The following CCDC178 variants were observed in gnomAD, a reference collection of about 807,000 sequenced individuals.
CCDC178 encodes coiled-coil domain containing 178.
Under a neutral mutation model 117.4 loss-of-function variants are expected in CCDC178, and 126 were observed. The observed-to-expected ratio is 1.07, with a 90% confidence interval of 0.93 to 1.24. CCDC178 has a LOEUF of 1.24. CCDC178 is among the 50% of genes most tolerant of loss of function. CCDC178 has a pLI of 0.00. For synonymous variants in CCDC178, 283 were observed against 313.4 expected, an observed-to-expected ratio of 0.90 and a Z score of 1.02; for missense variants, 1,030 against 986.9, an observed-to-expected ratio of 1.04 and a Z score of -0.59.
chr18:33,247,527 G>A (rs921645553), intron 14 of CCDC178, among the ~76,000 whole-genome samples: 2 of 151,812 alleles, frequency 1.3e-5, no homozygotes, highest in Admixed American at 1.3e-4. Context: ...TTAATAGGAA[G>A]GAATGAAGTA....
intron 22 of CCDC178, among the ~76,000 whole-genome samples, chr18:32,963,747 T>C (rs2054753756): frequency 6.6e-6 from 1 of 152,044 alleles, no homozygotes; most frequent in South Asian, 2.1e-4. Context: ...CTCATTTGTA[T>C]TTACACAATA....
At chr18:33,247,093 T>A (rs201023582) in intron 14 of CCDC178, among the ~76,000 whole-genome samples, 42 of 148,206 alleles carry the variant, frequency 2.8e-4, no homozygotes, top group African/African-American at 5.0e-4. Flanking sequence ...TGTGTGTGTG[T>A]GAGAGAGAGA....
At chr18:33,199,323 C>T (rs1463278734) in intron 20 of CCDC178, among the ~76,000 whole-genome samples, 1 of 152,156 alleles carries the variant, frequency 6.6e-6, no homozygotes. Context: ...CCTTCTCTCA[C>T]CTATTGCCCT....
intron 20 of CCDC178, among the ~76,000 whole-genome samples, chr18:33,159,180 T>C (rs2058435658): frequency 6.6e-6 from 1 of 152,076 alleles, no homozygotes; most frequent in African/African-American, 2.4e-5. Context: ...ACGGCAAAAG[T>C]GTAAAAACTG....
chr18:33,268,141 C>A (rs1339512122), intron 12 of CCDC178, among the ~76,000 whole-genome samples: 1 of 151,616 alleles, frequency 6.6e-6, no homozygotes, highest in African/African-American at 2.4e-5. Flanking sequence ...TTTTGAACTG[C>A]ATTAAATGAA....
chr18:33,312,597 G>T (rs2062357973), intron 11 of CCDC178, among the ~76,000 whole-genome samples: 1 of 152,156 alleles, frequency 6.6e-6, no homozygotes, highest in Admixed American at 6.5e-5. Context: ...ACTTTTCCAA[G>T]CAGCTGGACT....
intron 20 of CCDC178, among the ~76,000 whole-genome samples, chr18:33,172,118 C>A (rs2058608381): frequency 6.6e-6 from 1 of 152,164 alleles, no homozygotes; most frequent in African/African-American, 2.4e-5. Flanking sequence ...CCATGTTGAT[C>A]AGGCTGGTCT....
At chr18:33,176,834 GA>G (rs1455123339) in intron 20 of CCDC178, among the ~76,000 whole-genome samples, 1 of 152,056 alleles carries the variant, frequency 6.6e-6, no homozygotes, top group African/African-American at 2.4e-5. Context: ...TGACATAGGA[GA>G]AAATGACCTG....
At chr18:33,034,941 GT>G (rs1253805180) in intron 21 of CCDC178, among the ~76,000 whole-genome samples, 1 of 151,800 alleles carries the variant, frequency 6.6e-6, no homozygotes, top group Admixed American at 6.6e-5. Flanking sequence ...TTTGTTTTAT[GT>G]ACATTAATAT....
intron 20 of CCDC178, among the ~76,000 whole-genome samples, chr18:33,150,774 C>T (rs1202951999): frequency 1.3e-5 from 2 of 152,158 alleles, no homozygotes; most frequent in East Asian, 1.9e-4. Context: ...TCCAGCACTA[C>T]TGGGTATCTA....
At chr18:33,010,213 C>T (rs7234969) in intron 21 of CCDC178, among the ~76,000 whole-genome samples, 20,827 of 152,048 alleles carry the variant, frequency 0.14, 1,931 homozygotes, top group African/African-American at 0.27. Context: ...TTTCTTCACT[C>T]CTTTCTCTTC....
chr18:33,106,035 T>G (rs575581133), intron 20 of CCDC178, among the ~76,000 whole-genome samples: 2 of 151,762 alleles, frequency 1.3e-5, no homozygotes, highest in South Asian at 4.1e-4. Flanking sequence ...ATCCCAAATA[T>G]TTTTGAACAG....
In CCDC178 at chr18:33,211,946, T is replaced by C. The variant is rs1373138266; in HGVS notation, c.2188A>G (p.Arg730Gly). The change falls in exon 20 of 23, where the codon AGA (arginine) becomes GGA (glycine). Residue 730 changes from arginine to glycine, a missense_variant. Arg to Gly is a moderately radical substitution (Grantham distance 125). Transcript: ENST00000383096. ...CEERIFEEDQ[R>G]FRVLLAVRQK... ...CTTACAGCAAGGAGCACTCTAAATC[T>C]CTGATCTTCCTCAAAGATTCTCTCT... 1 of 1,610,288 alleles carries C rather than the reference T, an allele frequency of 6.2e-7. No homozygotes were observed. The highest frequency in any genetic ancestry group is 8.5e-7 in the Non-Finnish European group (1 of 1,178,230).
chr18:33,187,121 G>C (rs1463356130), intron 20 of CCDC178, among the ~76,000 whole-genome samples: 5 of 151,806 alleles, frequency 3.3e-5, no homozygotes, highest in African/African-American at 1.2e-4. Context: ...GAGAGACTGA[G>C]AGAGAGAACT....
chr18:33,308,050 C>T (rs999735849), intron 11 of CCDC178, among the ~76,000 whole-genome samples: 1 of 152,208 alleles, frequency 6.6e-6, no homozygotes, highest in East Asian at 1.9e-4. Context: ...GGGGCACTGC[C>T]TGATGGAGCT....
intron 21 of CCDC178, among the ~76,000 whole-genome samples, chr18:33,070,282 C>T (rs1290437926): frequency 6.6e-6 from 1 of 151,970 alleles, no homozygotes; most frequent in Non-Finnish European, 1.5e-5. Flanking sequence ...GTTTAAGTGT[C>T]CATCAGTGGA....
chr18:33,356,307 G>T lies in CCDC178; in HGVS notation c.371+17C>A. ...ATTAAAAATAAAATAGTTTTAAAAAGCATGAAATTTTCTTACCATTCTTCA... is the reference window on the plus strand; with the variant it reads ...ATTAAAAATAAAATAGTTTTAAAAATCATGAAATTTTCTTACCATTCTTCA... On this transcript the variant is annotated intron_variant, in intron 7 of 22. Coordinates refer to ENST00000383096, the MANE Select transcript of CCDC178 (RefSeq NM_001105528.4). 1 of 1,473,596 alleles carries T rather than the reference G, an allele frequency of 6.8e-7. No homozygotes were observed. The highest frequency in any genetic ancestry group is 9.2e-7 in the Non-Finnish European group (1 of 1,092,062). The allele number at this position is 1,473,596 out of a possible 1,614,324, so 91.3% of individuals were successfully genotyped here. A position where few individuals can be genotyped will look rare whatever the true frequency, so the allele number is the denominator to read the frequency against.
chr18:33,106,636 A>G (rs1299861385), intron 20 of CCDC178, among the ~76,000 whole-genome samples: 1 of 151,682 alleles, frequency 6.6e-6, no homozygotes, highest in Non-Finnish European at 1.5e-5. Flanking sequence ...AAGAAAGGTA[A>G]TCTCTGGAAT....
chr18:33,154,695 G>A (rs1050167433), intron 20 of CCDC178, among the ~76,000 whole-genome samples: 3 of 152,078 alleles, frequency 2.0e-5, no homozygotes, highest in Admixed American at 6.5e-5. Flanking sequence ...AAAGTAAAAG[G>A]ATGCAAGGTA....
Sources: allele counts gnomAD v4.1 joint callset (sites outside exome capture counted in the v4.1 genomes callset), GRCh38; gene constraint gnomAD v4.1.1; transcripts MANE v1.5; gene names NCBI Gene and HGNC (gene_info 2026-07-23, HGNC 2026-07-21).